Variants in NLGN1 observed in about 807,000 individuals in gnomAD.
NLGN1 encodes neuroligin-1.
NLGN1 carries 12 observed loss-of-function variants against 65.5 expected under a neutral mutation model. The ratio of observed to expected loss-of-function variants is 0.18; its 90% CI spans 0.12 to 0.30. The LOEUF is 0.30. Ranked by LOEUF, NLGN1 falls within the 10% of genes least tolerant of loss-of-function variation. The pLI is 1.00. For missense variants in NLGN1, 750 were observed against 1,007.1 expected, an observed-to-expected ratio of 0.74 and a Z score of 3.46; for synonymous variants, 350 against 359.5, an observed-to-expected ratio of 0.97 and a Z score of 0.30.
chr3:174,276,023 G>GTTGA (rs1194992458), intron 5 of NLGN1, among the ~76,000 whole-genome samples: 4 of 151,892 alleles, frequency 2.6e-5, no homozygotes, highest in African/African-American at 7.2e-5. Flanking sequence ...AGAATGGATT[G>GTTGA]TTGATTATTT....
intron 3 of NLGN1, among the ~76,000 whole-genome samples, chr3:173,779,543 A>G (rs956397931): frequency 6.6e-6 from 1 of 152,088 alleles, no homozygotes; most frequent in African/African-American, 2.4e-5. Context: ...CTGGGCCACA[A>G]CCTCAGATAT....
intron 3 of NLGN1, among the ~76,000 whole-genome samples, chr3:173,776,578 C>G (rs1477239033): frequency 6.6e-6 from 1 of 151,968 alleles, no homozygotes; most frequent in East Asian, 1.9e-4. Context: ...ATTTAATTAC[C>G]TGTCCCTTAG....
At chr3:174,292,908 C>T in the NLGN1 span, among the ~76,000 whole-genome samples, 1 of 151,268 alleles carries the variant, frequency 6.6e-6, no homozygotes, top group South Asian at 2.1e-4. Context: ...TCAGAAAATA[C>T]ATAGGTACAG....
chr3:174,156,183 G>A (rs1725397251), intron 4 of NLGN1, among the ~76,000 whole-genome samples: 1 of 151,848 alleles, frequency 6.6e-6, no homozygotes, highest in African/African-American at 2.4e-5. Context: ...GAGTAAAGGT[G>A]GCTGAAACTT....
chr3:174,245,970 A>G (rs947635049), intron 4 of NLGN1, among the ~76,000 whole-genome samples: 1 of 152,212 alleles, frequency 6.6e-6, no homozygotes. Flanking sequence ...CCCATTGTCA[A>G]TTTGATTCAA....
intron 4 of NLGN1, among the ~76,000 whole-genome samples, chr3:173,935,234 C>T (rs1299892074): frequency 6.6e-6 from 1 of 151,918 alleles, no homozygotes; most frequent in African/African-American, 2.4e-5. Context: ...TTGCCCACGT[C>T]AGTTAATTTA....
intron 3 of NLGN1, among the ~76,000 whole-genome samples, chr3:173,744,370 A>T (rs1167842657): frequency 2.0e-5 from 3 of 152,126 alleles, no homozygotes; most frequent in Non-Finnish European, 1.5e-5. Flanking sequence ...GGCAATGATA[A>T]GTAAAAGCAG....
chr3:174,172,242 TTGGGGTGAA>T (rs1238664822), intron 4 of NLGN1, among the ~76,000 whole-genome samples: 2 of 152,102 alleles, frequency 1.3e-5, no homozygotes. Context: ...AATAATCACA[TTGGGGTGAA>T]TGGGGTATCC....
chr3:174,154,668 C>T (rs1460606181), intron 4 of NLGN1, among the ~76,000 whole-genome samples: 1 of 151,520 alleles, frequency 6.6e-6, no homozygotes, highest in Non-Finnish European at 1.5e-5. Flanking sequence ...GTGCAGAAAA[C>T]TGACAATGAA....
At chr3:173,416,921 A>G (rs974660463) in intron 1 of NLGN1, among the ~76,000 whole-genome samples, 1 of 152,156 alleles carries the variant, frequency 6.6e-6, no homozygotes, top group Non-Finnish European at 1.5e-5. Flanking sequence ...TTCATATAAA[A>G]TAAATCTTTA....
At chr3:173,553,958 G>T (rs62292672) in intron 2 of NLGN1, among the ~76,000 whole-genome samples, 55,119 of 151,960 alleles carry the variant, frequency 0.36, 11,309 homozygotes, top group East Asian at 0.8. Context: ...AAGAGAAGTA[G>T]TGAGAAAGAG....
At chr3:173,481,308 CTA>C (rs1727240178) in intron 2 of NLGN1, among the ~76,000 whole-genome samples, 1 of 151,842 alleles carries the variant, frequency 6.6e-6, no homozygotes, top group Admixed American at 6.6e-5. Flanking sequence ...TATTTTCTGA[CTA>C]ATATAAAATT....
At chr3:173,499,454 G>A (rs1182473331) in intron 2 of NLGN1, among the ~76,000 whole-genome samples, 1 of 151,832 alleles carries the variant, frequency 6.6e-6, no homozygotes, top group Non-Finnish European at 1.5e-5. Context: ...TTTGGTTACT[G>A]TAGCCTTGTA....
intron 4 of NLGN1, among the ~76,000 whole-genome samples, chr3:174,232,846 C>G (rs13098254): frequency 0.43 from 65,881 of 151,962 alleles, 14,468 homozygotes; most frequent in East Asian, 0.58. Flanking sequence ...TTCCGACTCT[C>G]AAAAGAGAAA....
At chr3:173,765,633 T>A (rs1166674649) in intron 3 of NLGN1, among the ~76,000 whole-genome samples, 1 of 152,170 alleles carries the variant, frequency 6.6e-6, no homozygotes, top group Non-Finnish European at 1.5e-5. Flanking sequence ...CCATTGTTAT[T>A]GTTCCAATCT....
intron 4 of NLGN1, among the ~76,000 whole-genome samples, chr3:173,872,163 C>G (rs143917656): frequency 3.1e-4 from 47 of 152,206 alleles, no homozygotes; most frequent in African/African-American, 1.1e-3. Context: ...GACAGGGTAG[C>G]CAACGAAATT....
chr3:174,030,895 G>A (rs530954384), intron 4 of NLGN1, among the ~76,000 whole-genome samples: 1 of 152,192 alleles, frequency 6.6e-6, no homozygotes, highest in Non-Finnish European at 1.5e-5. Context: ...GATGAGAAAA[G>A]GAAATATTGG....
intron 3 of NLGN1, among the ~76,000 whole-genome samples, chr3:173,702,537 ATTG>A (rs1767383729): frequency 6.6e-6 from 1 of 152,186 alleles, no homozygotes; most frequent in South Asian, 2.1e-4. Context: ...CTTAATCTGT[ATTG>A]TCTTTGAATA....
intron 4 of NLGN1, among the ~76,000 whole-genome samples, chr3:174,116,945 G>A (rs1472740543): frequency 1.3e-5 from 2 of 151,998 alleles, no homozygotes; most frequent in Non-Finnish European, 2.9e-5. Context: ...GGAGTTGACA[G>A]TCTTATAATT....
Sources: gnomAD v4.1 joint callset for allele counts (sites outside exome capture counted in the v4.1 genomes callset) on GRCh38, gnomAD v4.1.1 for gene constraint, MANE v1.5 for transcripts, NCBI Gene and HGNC (gene_info 2026-07-23, HGNC 2026-07-21) for gene names.